The following EDIL3 variants were observed in gnomAD, a reference collection of about 807,000 sequenced individuals.
EDIL3 encodes EGF-like repeat and discoidin I-like domain-containing protein 3.
A neutral mutation model predicts 67.4 loss-of-function variants in EDIL3; 37 were observed. The observed-to-expected ratio is 0.55, with a 90% CI of 0.42 to 0.72. The LOEUF (loss-of-function observed/expected upper bound fraction) is 0.72, where lower values mean the gene tolerates loss of function less well. EDIL3 is among the 30% of genes least tolerant of loss of function. The pLI is 0.00. For missense variants in EDIL3, 527 were observed against 586.3 expected, an observed-to-expected ratio of 0.90 and a Z score of 1.04; for synonymous variants, 195 against 196.3, an observed-to-expected ratio of 0.99 and a Z score of 0.05.
rs1747286603 is a variant in EDIL3, at chr5:84,348,732, G to C, written c.67+35576C>G. Among the ~76,000 whole-genome samples the C allele has an allele frequency of 3.3e-5, 5 of 152,188 alleles. No individual in the cohort carries two copies. The South Asian group carries it at 6.2e-4, about 19-fold the overall frequency. ...TTTCTCTCCTTGTCCATGGTACCCA[G>C]AGAATTCACCAACACACAGAAGGTC... On this transcript the variant is annotated intron_variant, in intron 1 of 10. Transcript: ENST00000296591.
At chr5:84,029,286 A>C (rs1745874915) in intron 9 of EDIL3, among the ~76,000 whole-genome samples, 1 of 151,990 alleles carries the variant, frequency 6.6e-6, no homozygotes, top group Admixed American at 6.6e-5. Flanking sequence ...AAAACAAATA[A>C]AGAGGAGTTC....
At chr5:84,320,320 A>T (rs1746609774) in intron 1 of EDIL3, among the ~76,000 whole-genome samples, 1 of 152,092 alleles carries the variant, frequency 6.6e-6, no homozygotes, top group African/African-American at 2.4e-5. Context: ...ACTTAAATAT[A>T]TTTGATCCAG....
At chr5:84,247,888 T>G (rs1321128809) in intron 2 of EDIL3, among the ~76,000 whole-genome samples, 1 of 152,142 alleles carries the variant, frequency 6.6e-6, no homozygotes, top group East Asian at 1.9e-4. Context: ...TATCCTGTAC[T>G]GACCTACTGT....
At chr5:84,264,384 T>C (rs1411979501) in intron 1 of EDIL3, among the ~76,000 whole-genome samples, 1 of 152,138 alleles carries the variant, frequency 6.6e-6, no homozygotes, top group Non-Finnish European at 1.5e-5. Flanking sequence ...GGTTGTTGCC[T>C]GGGAAAACAT....
intron 6 of EDIL3, among the ~76,000 whole-genome samples, chr5:84,070,642 T>TGTGC (rs1456991427): frequency 6.6e-6 from 1 of 150,648 alleles, no homozygotes; most frequent in African/African-American, 2.5e-5. Flanking sequence ...TGTGTGTGTG[T>TGTGC]GTGTGTTTAA....
chr5:84,214,970 G>A (rs901101760), intron 3 of EDIL3, among the ~76,000 whole-genome samples: 8 of 152,092 alleles, frequency 5.3e-5, no homozygotes, highest in Admixed American at 1.3e-4. Context: ...TCTGCCCACC[G>A]TGGCCTCCCA....
At chr5:84,208,678 T>C (rs1580377885) in intron 3 of EDIL3, among the ~76,000 whole-genome samples, 2 of 86,948 alleles carry the variant, frequency 2.3e-5, no homozygotes, top group Admixed American at 1.9e-4. Flanking sequence ...AGAGCGAGAC[T>C]CCGTCTCAAA....
At chr5:84,040,373 G>T (rs1204183453) in intron 9 of EDIL3, among the ~76,000 whole-genome samples, 3 of 151,714 alleles carry the variant, frequency 2.0e-5, no homozygotes, top group African/African-American at 7.3e-5. Flanking sequence ...TCTTCAAATG[G>T]TACTTCAGAA....
chr5:84,296,053 T>A (rs1170561328), intron 1 of EDIL3, among the ~76,000 whole-genome samples: 2 of 149,212 alleles, frequency 1.3e-5, no homozygotes, highest in African/African-American at 5.2e-5. Flanking sequence ...TATCTCTATT[T>A]GTTGTTATAA....
intron 4 of EDIL3, among the ~76,000 whole-genome samples, chr5:84,139,949 A>AAGG (rs1165314965): frequency 6.6e-6 from 1 of 152,180 alleles, no homozygotes; most frequent in Non-Finnish European, 1.5e-5. Flanking sequence ...AGAGAAGATG[A>AAGG]AGGAGAGTGC....
At chr5:84,313,869 A>T (rs1296528336) in intron 1 of EDIL3, among the ~76,000 whole-genome samples, 2 of 152,170 alleles carry the variant, frequency 1.3e-5, no homozygotes, top group Admixed American at 1.3e-4. Context: ...GATAGGGCAG[A>T]TACCATTTAG....
chr5:83,949,334 A>T (rs2112115203), intron 10 of EDIL3, among the ~76,000 whole-genome samples: 1 of 152,000 alleles, frequency 6.6e-6, no homozygotes, highest in African/African-American at 2.4e-5. Context: ...GTCAAATGAA[A>T]AAAAATTCAA....
chr5:84,207,331 A>G (rs1312441271), intron 3 of EDIL3, among the ~76,000 whole-genome samples: 2 of 152,180 alleles, frequency 1.3e-5, no homozygotes, highest in Admixed American at 1.3e-4. Flanking sequence ...TAGGAATCCA[A>G]CTTACAAGGG....
At chr5:84,278,167 T>C (rs545791135) in intron 1 of EDIL3, among the ~76,000 whole-genome samples, 3 of 152,354 alleles carry the variant, frequency 2.0e-5, no homozygotes, top group Admixed American at 1.3e-4. Flanking sequence ...TAAGAGTTTA[T>C]GTATGAACCA....
chr5:84,067,135 T>C (rs961862485), intron 6 of EDIL3, among the ~76,000 whole-genome samples: 2 of 152,152 alleles, frequency 1.3e-5, no homozygotes, highest in Non-Finnish European at 2.9e-5. Context: ...ATCCCTTAAG[T>C]TTCTGGATCT....
intron 1 of EDIL3, among the ~76,000 whole-genome samples, chr5:84,267,133 T>C (rs964222111): frequency 1.3e-5 from 2 of 152,192 alleles, no homozygotes; most frequent in East Asian, 3.9e-4. Context: ...GTTGGAATGG[T>C]TTCCCTTGCC....
intron 4 of EDIL3, among the ~76,000 whole-genome samples, chr5:84,173,976 G>T (rs940021278): frequency 9.2e-5 from 14 of 152,300 alleles, no homozygotes; most frequent in Admixed American, 5.9e-4. Flanking sequence ...TGGTGCACTC[G>T]TCTGTGCGTG....
Position 84,342,264 on chromosome 5 carries a change from C to T in EDIL3, c.67+42044G>A, listed in dbSNP as rs188897085. On this transcript the variant is annotated intron_variant, in intron 1 of 10. Coordinates refer to ENST00000296591, the MANE Select transcript of EDIL3 (RefSeq NM_005711.5). ...ATAAAATGAGTCAGACACAGAAAGA[C>T]AAATACTGCATGTTCTCACAAGTGG... 2.1e-3 allele frequency among the ~76,000 whole-genome samples: 320 copies of T among 152,114 alleles called. 1 individual carries two copies. The highest frequency in any genetic ancestry group is 6.8e-3 in the Middle Eastern group (2 of 294).
chr5:84,285,593 T>A (rs959044516), intron 1 of EDIL3, among the ~76,000 whole-genome samples: 4 of 152,262 alleles, frequency 2.6e-5, no homozygotes, highest in Non-Finnish European at 5.9e-5. Context: ...TTGTTCATAC[T>A]TAAGTGAGAC....
Sources: gnomAD v4.1 joint callset for allele counts (sites outside exome capture counted in the v4.1 genomes callset) on GRCh38, gnomAD v4.1.1 for gene constraint, MANE v1.5 for transcripts, NCBI Gene and HGNC (gene_info 2026-07-23, HGNC 2026-07-21) for gene names.